The following RAP1A variants were observed in gnomAD, a reference collection of about 807,000 sequenced individuals.
RAP1A encodes ras-related protein Rap-1A.
Under a neutral mutation model 26.4 loss-of-function variants are expected in RAP1A, and 6 were observed. That is an observed-to-expected ratio of 0.23 (90% CI 0.12 to 0.45). RAP1A has a LOEUF of 0.45. RAP1A is among the 20% of genes least tolerant of loss of function. The pLI, the probability that RAP1A is intolerant of heterozygous loss-of-function variation, is 0.99. For synonymous variants in RAP1A, 73 were observed against 79.4 expected (o/e 0.92, Z 0.43); for missense variants, 121 against 217.2 (o/e 0.56, Z 2.78).
intron 1 of RAP1A, among the ~76,000 whole-genome samples, chr1:111,609,387 C>T (rs1180636608): frequency 2.0e-5 from 3 of 152,090 alleles, no homozygotes; most frequent in South Asian, 4.2e-4. Flanking sequence ...GTAGCAAATG[C>T]TATTTCTATT....
intron 1 of RAP1A, among the ~76,000 whole-genome samples, chr1:111,549,450 A>C (rs1333281576): frequency 6.6e-6 from 1 of 151,748 alleles, no homozygotes; most frequent in African/African-American, 2.4e-5. Flanking sequence ...GGAGTTCAAG[A>C]CCAGCCTGAC....
chr1:111,562,125 C>A (rs1657765550), intron 1 of RAP1A, among the ~76,000 whole-genome samples: 1 of 152,128 alleles, frequency 6.6e-6, no homozygotes, highest in South Asian at 2.1e-4. Flanking sequence ...CATTTCTTTT[C>A]TATGAGATGG....
At chr1:111,638,524 A>G (rs1293444818) in intron 1 of RAP1A, among the ~76,000 whole-genome samples, 1 of 152,134 alleles carries the variant, frequency 6.6e-6, no homozygotes, top group East Asian at 1.9e-4. Context: ...TTATCCACTC[A>G]GGTGATTCCC....
intron 1 of RAP1A, among the ~76,000 whole-genome samples, chr1:111,675,316 C>CA (rs1287876845): frequency 2.0e-5 from 3 of 151,854 alleles, no homozygotes; most frequent in Non-Finnish European, 4.4e-5. Context: ...CCCGTCTCTA[C>CA]AAAAAATTAG....
chr1:111,618,131 G>T (rs541013044), upstream of RAP1A, among the ~76,000 whole-genome samples: 80 of 152,010 alleles, frequency 5.3e-4, no homozygotes, highest in South Asian at 0.016. Context: ...TACCTCTCTG[G>T]CTACTGCCCT....
At chr1:111,685,766 A>C (rs988249987) in intron 1 of RAP1A, among the ~76,000 whole-genome samples, 1 of 152,246 alleles carries the variant, frequency 6.6e-6, no homozygotes, top group Non-Finnish European at 1.5e-5. Context: ...CAGCAATCCC[A>C]TTACTGGGTA....
At chr1:111,625,165 A>C (rs1659354652) in intron 1 of RAP1A, among the ~76,000 whole-genome samples, 1 of 152,232 alleles carries the variant, frequency 6.6e-6, no homozygotes, top group Non-Finnish European at 1.5e-5. Context: ...TAAAACTTGA[A>C]GTGCCTTACC....
intron 1 of RAP1A, among the ~76,000 whole-genome samples, chr1:111,581,223 T>C (rs949258192): frequency 2.0e-5 from 3 of 151,912 alleles, no homozygotes; most frequent in Non-Finnish European, 4.4e-5. Context: ...GATTGATTTG[T>C]TTTGCTTTTA....
intron 1 of RAP1A, among the ~76,000 whole-genome samples, chr1:111,684,636 C>A (rs1477272052): frequency 2.0e-5 from 3 of 152,092 alleles, no homozygotes; most frequent in Non-Finnish European, 4.4e-5. Context: ...TAAGAGAGGA[C>A]ACAAACAAAT....
intron 1 of RAP1A, among the ~76,000 whole-genome samples, chr1:111,577,882 C>G (rs1414220913): frequency 6.6e-6 from 1 of 152,162 alleles, no homozygotes; most frequent in Non-Finnish European, 1.5e-5. Flanking sequence ...ATCCTAAAGT[C>G]TACTACACTG....
At chr1:111,567,868 C>T (rs1161681195) in intron 1 of RAP1A, among the ~76,000 whole-genome samples, 1 of 152,220 alleles carries the variant, frequency 6.6e-6, no homozygotes, top group Non-Finnish European at 1.5e-5. Flanking sequence ...GGTCATCCAG[C>T]CTCCAGAACT....
At chr1:111,662,530 G>A (rs1207824811) in intron 1 of RAP1A, among the ~76,000 whole-genome samples, 1 of 151,906 alleles carries the variant, frequency 6.6e-6, no homozygotes, top group Non-Finnish European at 1.5e-5. Context: ...CAAAAAATTT[G>A]TGTAGAACTG....
intron 6 of RAP1A, among the ~76,000 whole-genome samples, chr1:111,705,075 G>A (rs569147039): frequency 6.6e-6 from 1 of 152,260 alleles, no homozygotes; most frequent in South Asian, 2.1e-4. Flanking sequence ...CTGTGGACAA[G>A]AATACTTAGC....
intron 1 of RAP1A, among the ~76,000 whole-genome samples, chr1:111,688,512 G>A (rs1661565639): frequency 6.6e-6 from 1 of 151,676 alleles, no homozygotes; most frequent in Non-Finnish European, 1.5e-5. Flanking sequence ...TAGAGACGGG[G>A]TTTCGCCGTG....
rs71099925 is a variant in RAP1A, at chr1:111,653,683, C to CAAA, written c.-28+33773_-28+33775dup. ...GGGCTACAAGAGCGAAACTCTGTCT[C>CAAA]AAAAAAAAAAAAAAAAAAAAAAAAA... On this transcript the variant is annotated intron_variant, in intron 1 of 7. Coordinates refer to ENST00000369709, the MANE Select transcript of RAP1A (RefSeq NM_002884.4). Among the ~76,000 whole-genome samples the CAAA allele has an allele frequency of 2.6e-4, 17 of 65,694 alleles. 1 individual carries two copies. Among genetic ancestry groups the CAAA allele is most frequent in the African/African-American group, 9.8e-4 (14 of 14,256 alleles). 43.1% of individuals were successfully genotyped at this position (65,694 alleles called of 152,430 possible).
intron 1 of RAP1A, among the ~76,000 whole-genome samples, chr1:111,666,454 AATTAG>A (rs1450131303): frequency 6.6e-6 from 1 of 152,146 alleles, no homozygotes; most frequent in Admixed American, 6.5e-5. Context: ...TTTGATGAAG[AATTAG>A]ATTAAAAACT....
intron 1 of RAP1A, among the ~76,000 whole-genome samples, chr1:111,651,473 A>ATTT (rs5777070): frequency 1.6e-4 from 20 of 123,806 alleles, no homozygotes; most frequent in East Asian, 2.3e-4. Flanking sequence ...TATATATATA[A>ATTT]TTTTTTTTTT....
chr1:111,544,576 A>G (rs926061011), intron 1 of RAP1A, among the ~76,000 whole-genome samples: 5 of 152,156 alleles, frequency 3.3e-5, no homozygotes, highest in South Asian at 2.1e-4. Flanking sequence ...GTTCCATTAT[A>G]TACCACATTT....
At chr1:111,547,574 TC>T (rs1224492915) in intron 1 of RAP1A, among the ~76,000 whole-genome samples, 3 of 152,190 alleles carry the variant, frequency 2.0e-5, no homozygotes, top group African/African-American at 4.8e-5. Context: ...ACTTAGTTCA[TC>T]CCTAGAGAAC....
Sources: gnomAD v4.1 joint callset for allele counts (sites outside exome capture counted in the v4.1 genomes callset) on GRCh38, gnomAD v4.1.1 for gene constraint, MANE v1.5 for transcripts, NCBI Gene and HGNC (gene_info 2026-07-23, HGNC 2026-07-21) for gene names.